MYSM1: variants seen among roughly 807,000 people sequenced by gnomAD.
MYSM1 encodes the protein deubiquitinase MYSM1.
In MYSM1, 51 loss-of-function variants were observed where a neutral mutation model predicts 116.0. The observed-to-expected ratio is 0.44, with a 90% CI of 0.35 to 0.56. The LOEUF is 0.56. Among genes scored for constraint, MYSM1 ranks in the 20% least tolerant of loss-of-function variants. MYSM1 has a pLI of 0.00. For synonymous variants in MYSM1, 313 were observed against 315.2 expected, an observed-to-expected ratio of 0.99 and a Z score of 0.07; for missense variants, 900 against 974.9, an observed-to-expected ratio of 0.92 and a Z score of 1.02.
rs371777474 is a variant in MYSM1 at position 58,665,646 on chromosome 1, A to G, written c.2032-15T>C. ...GAGAAGTAACTCTACAATGACAAGAAAAATATAATTAGTTTCAACTATATA... is the reference window on the plus strand; with the variant it reads ...GAGAAGTAACTCTACAATGACAAGAGAAATATAATTAGTTTCAACTATATA... On this transcript the variant is annotated splice_polypyrimidine_tract_variant and intron_variant, in intron 16 of 19. Coordinates refer to ENST00000472487, the MANE Select transcript of MYSM1 (RefSeq NM_001085487.3). 140 of 1,464,774 alleles carry G rather than the reference A, an allele frequency of 9.6e-5. No individual in the cohort carries two copies. The African/African-American group carries it at 1.3e-3, about 14-fold the overall frequency. The allele number at this position is 1,464,774 out of a possible 1,614,324, so 90.7% of individuals were successfully genotyped here. A position where few individuals can be genotyped will look rare whatever the true frequency, so the allele number is the denominator to read the frequency against.
chr1:58,672,681 T>C (rs1262783278), intron 11 of MYSM1, among the ~76,000 whole-genome samples: 2 of 152,132 alleles, frequency 1.3e-5, no homozygotes, highest in Non-Finnish European at 2.9e-5. Flanking sequence ...CTTTGTTCCC[T>C]CAGCCTAAAG....
At chr1:58,663,790 G>A (rs1377231093) in intron 17 of MYSM1, among the ~76,000 whole-genome samples, 8 of 152,156 alleles carry the variant, frequency 5.3e-5, no homozygotes. Context: ...TTGGGGCTCT[G>A]TCTCACAAAC....
At chr1:58,680,724 AGAACCC>A (rs1644727852) in intron 8 of MYSM1, among the ~76,000 whole-genome samples, 1 of 152,256 alleles carries the variant, frequency 6.6e-6, no homozygotes, top group Non-Finnish European at 1.5e-5. Flanking sequence ...AGGACAAAGC[AGAACCC>A]CTGCTCAAGG....
At chr1:58,691,808 A>G (rs1644909941) in intron 3 of MYSM1, among the ~76,000 whole-genome samples, 1 of 152,166 alleles carries the variant, frequency 6.6e-6, no homozygotes, top group Non-Finnish European at 1.5e-5. Context: ...CAGAGGTTGC[A>G]GTGAGCCAAG....
At chr1:58,679,659 A>G (rs1414935904) in intron 8 of MYSM1, among the ~76,000 whole-genome samples, 1 of 152,126 alleles carries the variant, frequency 6.6e-6, no homozygotes, top group Non-Finnish European at 1.5e-5. Context: ...GGGTCTTGCT[A>G]TGTTGCCCAA....
chr1:58,667,063 T>C lies in MYSM1; in HGVS notation c.2006A>G (p.Asp669Gly). 1 of 1,611,076 alleles carries C rather than the reference T, an allele frequency of 6.2e-7. No homozygotes were observed. Among genetic ancestry groups the C allele is most frequent in the Non-Finnish European group, 8.5e-7 (1 of 1,178,162 alleles). ...CTGGTATTTAGCTTGTGTGTCAATATCTCGTAAGGAAGGATTAGGATCAAA... is the reference window on the plus strand; with the variant it reads ...CTGGTATTTAGCTTGTGTGTCAATACCTCGTAAGGAAGGATTAGGATCAAA... Reference protein sequence around the residue: ...PAFDPNPSLRDIDTQAKYQSY... With the variant: ...PAFDPNPSLRGIDTQAKYQSY... The change falls in exon 16 of 20, where the codon GAT becomes GGT. Residue 669 changes from aspartate (D) to glycine (G), a missense_variant. Asp to Gly is a moderately conservative substitution (Grantham distance 94). Transcript: ENST00000472487.
At chr1:58,695,390 C>T (rs1354625926) in intron 1 of MYSM1, among the ~76,000 whole-genome samples, 183 bp from the exon 2 acceptor site, 3 of 152,148 alleles carry the variant, frequency 2.0e-5, no homozygotes, top group Non-Finnish European at 2.9e-5. Flanking sequence ...CTGTGAAACA[C>T]GTGGTAGTGC....
rs145227062 is a variant in MYSM1 at position 58,699,038 on chromosome 1, T to C, written c.68+947A>G. Among the ~76,000 whole-genome samples the C allele has an allele frequency of 5.5e-3, 830 of 152,292 alleles. 13 individuals carry two copies. The highest frequency in any genetic ancestry group is 0.032 in the Admixed American group (483 of 15,302). On this transcript the variant is annotated intron_variant, in intron 1 of 19. Coordinates refer to ENST00000472487, the MANE Select transcript of MYSM1 (RefSeq NM_001085487.3). ...TTTCATATGGTTCAAGCTAATACAG[T>C]TCTAAGGAAATTGTACATAATTATA...
At chr1:58,681,571 C>T (rs1257254354) in intron 8 of MYSM1, among the ~76,000 whole-genome samples, 6 of 152,138 alleles carry the variant, frequency 3.9e-5, no homozygotes, top group Non-Finnish European at 7.3e-5. Context: ...TTATTCCAGG[C>T]CCACAATCTA....
chr1:58,658,598 G>C lies in MYSM1; in HGVS notation c.*1399C>G, dbSNP rs935815919. ...TACTCCTTATTCTTCATTGGCTATT[G>C]ATTACAAACAAAGCAAAATATAGAA... On this transcript the variant is annotated 3_prime_UTR_variant, in exon 20 of 20. Transcript: ENST00000472487. The C allele has an allele frequency of 1.1e-4, 16 of 152,018 alleles. No individual in the cohort carries two copies. The highest frequency in any genetic ancestry group is 1.9e-4 in the Non-Finnish European group (13 of 67,998). 9.4% of individuals were successfully genotyped at this position (152,018 alleles called of 1,614,324 possible). A position where few individuals can be genotyped will look rare whatever the true frequency, so the allele number is the denominator to read the frequency against.
At chr1:58,672,462 TA>T (rs1644577725) in intron 11 of MYSM1, among the ~76,000 whole-genome samples, 1 of 152,092 alleles carries the variant, frequency 6.6e-6, no homozygotes, top group African/African-American at 2.4e-5. Flanking sequence ...TAATAAAAAG[TA>T]AACAATAATA....
At chr1:58,676,203 G>A (rs1644648851) in intron 9 of MYSM1, among the ~76,000 whole-genome samples, 1 of 152,014 alleles carries the variant, frequency 6.6e-6, no homozygotes, top group Admixed American at 6.6e-5. Context: ...CAAATCACGA[G>A]GTCAGGAGTT....
intron 12 of MYSM1, 67 bp downstream of exon 12, chr1:58,671,802 TA>T: frequency 8.6e-7 from 1 of 1,161,234 alleles, no homozygotes; most frequent in East Asian, 2.5e-5. Flanking sequence ...AGCTATTGAA[TA>T]TTTTTTCATA....
chr1:58,693,849 T>C (rs1291904643), intron 2 of MYSM1, among the ~76,000 whole-genome samples: 2 of 152,230 alleles, frequency 1.3e-5, no homozygotes, highest in South Asian at 4.1e-4. Context: ...GTTTCAATGA[T>C]GTCCCAGTTC....
chr1:58,673,114 A>T (rs1644588503), intron 11 of MYSM1, among the ~76,000 whole-genome samples: 1 of 152,232 alleles, frequency 6.6e-6, no homozygotes, highest in Non-Finnish European at 1.5e-5. Context: ...TGTGAGATTA[A>T]GTAGTTGCTT....
chr1:58,678,239 G>A (rs115956335), intron 8 of MYSM1, among the ~76,000 whole-genome samples: 195 of 152,212 alleles, frequency 1.3e-3, no homozygotes, highest in African/African-American at 4.3e-3. Flanking sequence ...TTGTGATGTG[G>A]GAGGGTACCA....
chr1:58,669,021 T>C lies in MYSM1; in HGVS notation c.1679A>G (p.Gln560Arg). 1 of 1,599,652 alleles carries C rather than the reference T, an allele frequency of 6.3e-7. No individual in the cohort carries two copies. Among genetic ancestry groups the C allele is most frequent in the Non-Finnish European group, 8.5e-7 (1 of 1,175,234 alleles). ...ACTAAAAAAATTACAAGGTATCAGT[T>C]GGAAGGGATCAAACGAGCTGAAAAA... ...RPTKSSFDPF[Q>R]LIPCNFFSEE... The change falls in exon 13 of 20, where the codon CAA becomes CGA. Residue 560 changes from glutamine to arginine, a missense_variant. This residue lies in a region of MYSM1 where 92 missense variants were observed against 155.0 expected (regional missense o/e 0.59). Transcript: ENST00000472487.
chr1:58,660,261 A>G (rs772126509), intron 19 of MYSM1, 106 bp from the exon 20 acceptor site: 8 of 596,082 alleles, frequency 1.3e-5, no homozygotes, highest in Admixed American at 7.7e-5. Flanking sequence ...CTAATGCTCA[A>G]ATGAGAAACA....
chr1:58,682,282 C>T lies in MYSM1; in HGVS notation c.762G>A (p.Met254Ile). 1.9e-6 allele frequency: 3 copies of T among 1,611,330 alleles called. No homozygotes were observed. Among genetic ancestry groups the T allele is most frequent in the South Asian group, 2.2e-5 (2 of 90,998 alleles). Residue 254 changes from methionine (M) to isoleucine (I), a missense_variant, in exon 8 of 20, where the codon ATG (methionine) becomes ATA (isoleucine). This residue lies in a region of MYSM1 where 622 missense variants were observed against 623.7 expected (regional missense o/e 1.00). Transcript: ENST00000472487. Reference sequence around the variant, plus strand: ...TGAATTCTCCTTGATTGGTTTCATGCATTTTACTATTAGGAAAGTCTAACA... The same window carrying T: ...TGAATTCTCCTTGATTGGTTTCATGTATTTTACTATTAGGAAAGTCTAACA... Reference protein sequence around the residue: ...DLLLDFPNSKMHETNQGEFIT... With the variant: ...DLLLDFPNSKIHETNQGEFIT...
Sources: gnomAD v4.1 joint callset for allele counts (sites outside exome capture counted in the v4.1 genomes callset) on GRCh38, gnomAD v4.1.1 for gene constraint, gnomAD v4.1.1 regional missense constraint, MANE v1.5 for transcripts, NCBI Gene and HGNC (gene_info 2026-07-23, HGNC 2026-07-21) for gene names.